The following TENM3 variants were observed in gnomAD, a reference collection of about 807,000 sequenced individuals.
TENM3 encodes the protein teneurin transmembrane protein 3, also known as teneurin-3.
Under a neutral mutation model 255.1 loss-of-function variants are expected in TENM3, and 63 were observed. That is an observed-to-expected ratio of 0.25 (90% CI 0.20 to 0.30). TENM3 has a LOEUF of 0.30. Ranked by LOEUF, TENM3 falls within the 10% of genes least tolerant of loss-of-function variation. TENM3 has a pLI of 1.00. For missense variants in TENM3, 2,929 were observed against 3,461.1 expected (o/e 0.85, Z 3.86); for synonymous variants, 1,306 against 1,322.3 (o/e 0.99, Z 0.27).
chr4:181,840,231 G>T, the TENM3 span, among the ~76,000 whole-genome samples: 2 of 151,910 alleles, frequency 1.3e-5, no homozygotes, highest in African/African-American at 2.4e-5. Flanking sequence ...TATATTGAAA[G>T]TTCTTCCCTT....
At chr4:182,249,641 A>C (rs1336412412) in intron 1 of TENM3, among the ~76,000 whole-genome samples, 1 of 152,194 alleles carries the variant, frequency 6.6e-6, no homozygotes, top group East Asian at 1.9e-4. Context: ...CAGTGAGGGC[A>C]CTAAGTGGTG....
chr4:181,836,021 G>A, the TENM3 span, among the ~76,000 whole-genome samples: 2 of 152,010 alleles, frequency 1.3e-5, no homozygotes, highest in Non-Finnish European at 2.9e-5. Flanking sequence ...GGATATGAGT[G>A]GTGGACATCT....
chr4:182,675,726 A>G (rs5009529), intron 7 of TENM3, among the ~76,000 whole-genome samples: 152,041 of 152,348 alleles, frequency 1, 75,868 homozygotes, highest in Non-Finnish European at 1. Flanking sequence ...GCACAATAGT[A>G]AACATGTAAC....
the TENM3 span, among the ~76,000 whole-genome samples, chr4:181,998,877 C>G: frequency 1.3e-5 from 2 of 152,132 alleles, no homozygotes; most frequent in African/African-American, 4.8e-5. Context: ...ATTCCCAGCT[C>G]CAACAATTAT....
chr4:181,920,875 T>C, the TENM3 span, among the ~76,000 whole-genome samples: 2 of 152,186 alleles, frequency 1.3e-5, no homozygotes, highest in Non-Finnish European at 2.9e-5. Context: ...AGGTCTAACG[T>C]TTAAGTCTTT....
the TENM3 span, among the ~76,000 whole-genome samples, chr4:181,831,988 G>A: frequency 6.9e-6 from 1 of 145,536 alleles, no homozygotes; most frequent in Non-Finnish European, 1.5e-5. Context: ...GTGTGTGTGT[G>A]TGTGTGTGTG....
At chr4:181,622,708 T>C in the TENM3 span, among the ~76,000 whole-genome samples, 2 of 152,152 alleles carry the variant, frequency 1.3e-5, no homozygotes, top group East Asian at 3.9e-4. Flanking sequence ...TAACATGGCT[T>C]TTGTATGAGA....
chr4:182,365,525 A>G (rs1344897763), intron 3 of TENM3, among the ~76,000 whole-genome samples: 3 of 152,206 alleles, frequency 2.0e-5, no homozygotes, highest in Admixed American at 6.5e-5. Flanking sequence ...CCGCCTGTAC[A>G]CTTTTTACTA....
At chr4:182,616,701 T>TA (rs1561008452) in intron 4 of TENM3, among the ~76,000 whole-genome samples, 1 of 152,028 alleles carries the variant, frequency 6.6e-6, no homozygotes, top group Non-Finnish European at 1.5e-5. Context: ...TCAGGAATCT[T>TA]ACAGAGCTTC....
chr4:181,902,124 C>T, the TENM3 span, among the ~76,000 whole-genome samples: 1 of 148,412 alleles, frequency 6.7e-6, no homozygotes, highest in Non-Finnish European at 1.5e-5. Flanking sequence ...CATACACACA[C>T]ACACACACAC....
the TENM3 span, among the ~76,000 whole-genome samples, chr4:181,998,802 G>A: frequency 6.6e-6 from 1 of 152,108 alleles, no homozygotes; most frequent in Non-Finnish European, 1.5e-5. Flanking sequence ...GCCCCCTAGA[G>A]GTATCCTGAA....
the TENM3 span, among the ~76,000 whole-genome samples, chr4:181,842,223 AG>A: frequency 1.3e-5 from 2 of 152,224 alleles, no homozygotes; most frequent in South Asian, 2.1e-4. Context: ...CTTCCTAAAA[AG>A]AAAAGCTGGG....
chr4:182,363,204 T>C (rs576454503), intron 3 of TENM3, among the ~76,000 whole-genome samples: 64 of 152,128 alleles, frequency 4.2e-4, no homozygotes, highest in Non-Finnish European at 8.7e-4. Context: ...AACTATAGGA[T>C]TGCTGTCAGG....
chr4:182,220,516 G>A (rs984268285), intron 1 of TENM3, among the ~76,000 whole-genome samples: 1 of 151,638 alleles, frequency 6.6e-6, no homozygotes, highest in Admixed American at 6.6e-5. Flanking sequence ...AGTCTCTTCT[G>A]GCATCACGCA....
chr4:182,033,388 T>C, the TENM3 span, among the ~76,000 whole-genome samples: 1 of 152,232 alleles, frequency 6.6e-6, no homozygotes, highest in Non-Finnish European at 1.5e-5. Flanking sequence ...TCTAAGTTGA[T>C]TGTGCTGTGA....
chr4:182,517,155 A>G (rs1003777881), intron 3 of TENM3, among the ~76,000 whole-genome samples: 41 of 152,246 alleles, frequency 2.7e-4, no homozygotes, highest in African/African-American at 8.9e-4. Context: ...CACTTTTACT[A>G]TGGAGCCAGA....
chr4:182,351,933 T>C lies in TENM3; in HGVS notation c.511+5004T>C, dbSNP rs74359236. ...GGTGCTTACAAAACTCCCTGACATC[T>C]AGTGAGTTCCGAATAAGTGTGTGCC... On this transcript the variant is annotated intron_variant, in intron 3 of 27. Transcript: ENST00000511685. Among the ~76,000 whole-genome samples, 1,072 of 152,288 alleles carry C rather than the reference T, an allele frequency of 7.0e-3. 9 individuals carry two copies. The highest frequency in any genetic ancestry group is 0.024 in the African/African-American group (1,009 of 41,572).
the TENM3 span, among the ~76,000 whole-genome samples, chr4:181,813,408 A>G: frequency 6.6e-6 from 1 of 152,220 alleles, no homozygotes. Flanking sequence ...AGCAACAACA[A>G]ACAAAGCGTC....
At chr4:181,621,663 C>T in the TENM3 span, among the ~76,000 whole-genome samples, 1 of 152,136 alleles carries the variant, frequency 6.6e-6, no homozygotes, top group Non-Finnish European at 1.5e-5. Flanking sequence ...TTGCCTCATC[C>T]CTCCAATATT....
Sources: gnomAD v4.1 joint callset for allele counts (sites outside exome capture counted in the v4.1 genomes callset) on GRCh38, gnomAD v4.1.1 for gene constraint, MANE v1.5 for transcripts, NCBI Gene and HGNC (gene_info 2026-07-23, HGNC 2026-07-21) for gene names.